The following CPEB3 variants were observed in gnomAD, a reference collection of about 807,000 sequenced individuals.
CPEB3 encodes cytoplasmic polyadenylation element binding protein 3, also known as cytoplasmic polyadenylation element-binding protein 3.
In CPEB3, 20 loss-of-function variants were observed where a neutral mutation model predicts 67.2. The ratio of observed to expected loss-of-function variants is 0.30; its 90% CI spans 0.21 to 0.43. The LOEUF (loss-of-function observed/expected upper bound fraction) is 0.43. CPEB3 is among the 20% of genes least tolerant of loss of function. The pLI is 1.00. For missense variants in CPEB3, 746 were observed against 968.6 expected, an observed-to-expected ratio of 0.77 and a Z score of 3.05; for synonymous variants, 376 against 393.1, an observed-to-expected ratio of 0.96 and a Z score of 0.51.
intron 6 of CPEB3, among the ~76,000 whole-genome samples, chr10:92,121,793 C>A (rs558309711): frequency 6.6e-6 from 1 of 152,286 alleles, no homozygotes; most frequent in Admixed American, 6.5e-5. Flanking sequence ...GGTCCATGGC[C>A]TGGACAGACA....
At chr10:92,289,732 A>AAATATATATATAT in intron 1 of CPEB3, among the ~76,000 whole-genome samples, 1 of 75,770 alleles carries the variant, frequency 1.3e-5, no homozygotes, top group African/African-American at 5.1e-5. Flanking sequence ...AAAAAAAAAA[A>AAATATATATATAT]ATATATATAT....
chr10:92,073,248 A>G (rs1342344809), intron 9 of CPEB3, among the ~76,000 whole-genome samples: 1 of 151,922 alleles, frequency 6.6e-6, no homozygotes, highest in Non-Finnish European at 1.5e-5. Flanking sequence ...TATATTGTCC[A>G]GGCTGGTCTT....
intron 2 of CPEB3, among the ~76,000 whole-genome samples, chr10:92,210,524 G>A (rs904519127): frequency 6.6e-6 from 1 of 152,060 alleles, no homozygotes; most frequent in Non-Finnish European, 1.5e-5. Flanking sequence ...GAAAGTTGCT[G>A]GAAACCAAAA....
intron 3 of CPEB3, among the ~76,000 whole-genome samples, chr10:92,191,599 T>A (rs764910321): frequency 3.7e-4 from 56 of 152,194 alleles, no homozygotes; most frequent in Middle Eastern, 6.8e-3. Flanking sequence ...CACACTATAA[T>A]ATGGGCCTAG....
rs1367354874 is a variant in CPEB3, at chr10:92,048,867, T to C, written c.*3345A>G. 1 of 152,590 alleles carries C rather than the reference T, an allele frequency of 6.6e-6. No individual in the cohort carries two copies. The highest frequency in any genetic ancestry group is 1.5e-5 in the Non-Finnish European group (1 of 68,016). 9.5% of individuals were successfully genotyped at this position (152,590 alleles called of 1,614,324 possible). A position where few individuals can be genotyped will look rare whatever the true frequency, so the allele number is the denominator to read the frequency against. ...ATAAACTTTTAAAGAATTAGCATCA[T>C]AAAATTAATTTATTCCAATAAAAAT... On this transcript the variant is annotated 3_prime_UTR_variant, in exon 10 of 10. Transcript: ENST00000265997. The surrounding 1 kb of genome is among the most constrained non-coding windows in gnomAD (Gnocchi z 4.1).
intron 7 of CPEB3, among the ~76,000 whole-genome samples, chr10:92,106,965 G>GA (rs34591193): frequency 0.69 from 104,176 of 151,832 alleles, 37,545 homozygotes; most frequent in African/African-American, 0.91. Flanking sequence ...AGCAAAGTTG[G>GA]AAAAAATTGA....
At chr10:92,203,719 C>T (rs1849648535) in intron 2 of CPEB3, among the ~76,000 whole-genome samples, 1 of 151,840 alleles carries the variant, frequency 6.6e-6, no homozygotes, top group Non-Finnish European at 1.5e-5. Flanking sequence ...ACCACGTCCT[C>T]GATTTTTTGA....
At chr10:92,071,070 TAC>T (rs58497259) in intron 9 of CPEB3, among the ~76,000 whole-genome samples, 5,779 of 147,598 alleles carry the variant, frequency 0.039, 111 homozygotes, top group South Asian at 0.059. Context: ...CACTTTCATT[TAC>T]ACACACACAC....
chr10:92,130,329 C>T (rs1414998485), intron 6 of CPEB3, among the ~76,000 whole-genome samples: 3 of 151,832 alleles, frequency 2.0e-5, no homozygotes, highest in Admixed American at 1.3e-4. Context: ...ACTTTTGTGA[C>T]TATCTGATTA....
chr10:92,062,283 C>T (rs1024622412), intron 9 of CPEB3, among the ~76,000 whole-genome samples: 3 of 149,538 alleles, frequency 2.0e-5, no homozygotes, highest in African/African-American at 4.9e-5. Flanking sequence ...CATGGTGGCA[C>T]ACACCTATAA....
At chr10:92,280,062 G>A (rs1441816332) in intron 1 of CPEB3, among the ~76,000 whole-genome samples, 10 of 151,092 alleles carry the variant, frequency 6.6e-5, no homozygotes, top group Non-Finnish European at 1.5e-4. Flanking sequence ...AGAGAGAGAG[G>A]CCAGGCGTGG....
chr10:92,135,026 A>C (rs774411377), intron 6 of CPEB3, among the ~76,000 whole-genome samples: 1 of 152,222 alleles, frequency 6.6e-6, no homozygotes, highest in Non-Finnish European at 1.5e-5. Flanking sequence ...AGATGGATTA[A>C]AGACTTAAAT....
chr10:92,110,956 A>G, intron 7 of CPEB3, 120 bp downstream of exon 7: 1 of 782,052 alleles, frequency 1.3e-6, no homozygotes. Flanking sequence ...ACTGCATAGC[A>G]AGGCCAAGCT....
intron 4 of CPEB3, among the ~76,000 whole-genome samples, chr10:92,147,089 T>C (rs532208967): frequency 6.6e-6 from 1 of 152,198 alleles, no homozygotes; most frequent in East Asian, 1.9e-4. Context: ...AATGAAATAA[T>C]CTGGGAAAAT....
chr10:92,067,484 G>C (rs960119464), intron 9 of CPEB3, among the ~76,000 whole-genome samples: 2 of 151,874 alleles, frequency 1.3e-5, no homozygotes, highest in Non-Finnish European at 2.9e-5. Flanking sequence ...CAGGCAACAA[G>C]AGTGAAACTC....
At chr10:92,159,896 A>AT (rs1414685443) in intron 4 of CPEB3, among the ~76,000 whole-genome samples, 1 of 150,822 alleles carries the variant, frequency 6.6e-6, no homozygotes, top group East Asian at 1.9e-4. Flanking sequence ...CTCAAGCTCT[A>AT]TTTTTTTCCC....
At position 92,051,189 on chromosome 10, in the gene CPEB3, C is replaced by T. The variant is rs1841885057; in HGVS notation, c.*1023G>A. On this transcript the variant is annotated 3_prime_UTR_variant, in exon 10 of 10. Transcript: ENST00000265997. The stretch of plus-strand genomic sequence containing the variant: ...ATTCCATTTATTGAGGCATGCCTTC[C>T]TCCGGTCAATTACCAATTCTTTGAA... 1 of 152,480 alleles carries T rather than the reference C, an allele frequency of 6.6e-6. No individual in the cohort carries two copies. The allele number at this position is 152,480 out of a possible 1,614,324, so 9.4% of individuals were successfully genotyped here.
intron 2 of CPEB3, among the ~76,000 whole-genome samples, chr10:92,198,219 C>T (rs1394655456): frequency 2.6e-5 from 4 of 152,164 alleles, no homozygotes; most frequent in East Asian, 1.9e-4. Context: ...AAATCCAGAC[C>T]GTGCTCTTAA....
chr10:92,264,169 A>C, intron 1 of CPEB3, among the ~76,000 whole-genome samples: 1 of 152,004 alleles, frequency 6.6e-6, no homozygotes, highest in East Asian at 1.9e-4. Flanking sequence ...TCTCTACAAA[A>C]ATATAAAAAT....
Sources: gnomAD v4.1 joint callset for allele counts (sites outside exome capture counted in the v4.1 genomes callset) on GRCh38, gnomAD v4.1.1 for gene constraint, Gnocchi (gnomAD v3.1) non-coding constraint, MANE v1.5 for transcripts, NCBI Gene and HGNC (gene_info 2026-07-23, HGNC 2026-07-21) for gene names.